The following ARMC8 variants were observed in gnomAD, a reference collection of about 807,000 sequenced individuals.
The protein encoded by ARMC8 is armadillo repeat containing 8, also known as armadillo repeat-containing protein 8.
ARMC8 carries 20 observed loss-of-function variants against 99.3 expected under a neutral mutation model. The ratio of observed to expected loss-of-function variants is 0.20; its 90% CI spans 0.14 to 0.29. The LOEUF is 0.29. Among genes scored for constraint, ARMC8 ranks in the 10% least tolerant of loss-of-function variants. The pLI is 1.00. For missense variants in ARMC8, 569 were observed against 809.5 expected (o/e 0.70, Z 3.60); for synonymous variants, 263 against 278.3 (o/e 0.95, Z 0.55).
chr3:138,206,220 C>A (rs1163034764), intron 1 of ARMC8, among the ~76,000 whole-genome samples: 1 of 152,116 alleles, frequency 6.6e-6, no homozygotes, highest in African/African-American at 2.4e-5. Context: ...CCAAGTAGTT[C>A]CAAATCATTC....
chr3:138,210,746 C>G (rs2044647785), intron 2 of ARMC8, among the ~76,000 whole-genome samples: 1 of 152,076 alleles, frequency 6.6e-6, no homozygotes. Flanking sequence ...TTGTGCTTAG[C>G]CATGGCAAGG....
At chr3:138,212,373 G>A (rs956122091) in intron 2 of ARMC8, among the ~76,000 whole-genome samples, 1 of 148,908 alleles carries the variant, frequency 6.7e-6, no homozygotes, top group Non-Finnish European at 1.5e-5. Context: ...GCAATGGCGC[G>A]ATCTCGGCTC....
chr3:138,265,073 A>AT (rs1453592882), intron 14 of ARMC8, among the ~76,000 whole-genome samples: 1 of 151,032 alleles, frequency 6.6e-6, no homozygotes, highest in Non-Finnish European at 1.5e-5. Context: ...AATTTTTTTT[A>AT]TTTTTTTGAG....
intron 20 of ARMC8, among the ~76,000 whole-genome samples, chr3:138,289,689 A>C (rs1172671286): frequency 6.6e-6 from 1 of 152,134 alleles, no homozygotes; most frequent in Non-Finnish European, 1.5e-5. Context: ...CTCCAGGCAT[A>C]AGTGGTTCTT....
At chr3:138,209,012 AT>A (rs1278421270) in intron 1 of ARMC8, among the ~76,000 whole-genome samples, 1 of 152,056 alleles carries the variant, frequency 6.6e-6, no homozygotes, top group Non-Finnish European at 1.5e-5. Flanking sequence ...TCCTTTATTT[AT>A]TTTTACTTCT....
chr3:138,254,511 C>T lies in ARMC8; in HGVS notation c.1135-9228C>T, dbSNP rs1460484298. ...GCCCAGGATGGCAAACAGGAGGAGA[C>T]AGATGGAAGTCTCAGTTGTTTGCAT... On this transcript the variant is annotated intron_variant, in intron 12 of 21. Coordinates refer to ENST00000469044, the MANE Select transcript of ARMC8 (RefSeq NM_001363941.2). Among the ~76,000 whole-genome samples the T allele has an allele frequency of 3.3e-5, 5 of 152,250 alleles. No individual in the cohort carries two copies. In the East Asian group the frequency reaches 7.7e-4, roughly 24 times the overall value.
Position 138,297,155 on chromosome 3 carries a change from C to G in ARMC8, c.*1263C>G, listed in dbSNP as rs2051559956. The G allele has an allele frequency of 6.6e-6, 1 of 152,168 alleles. No individual in the cohort carries two copies. The highest frequency in any genetic ancestry group is 2.1e-4 in the South Asian group (1 of 4,830). The allele number at this position is 152,168 out of a possible 1,614,324, so 9.4% of individuals were successfully genotyped here. A position where few individuals can be genotyped will look rare whatever the true frequency, so the allele number is the denominator to read the frequency against. ...CGAGATTGAAATTTAATAAAAGATG[C>G]AACTAAAATCTTTCCTGCATGAAGC... is the stretch of plus-strand genomic sequence containing the variant. On this transcript the variant is annotated 3_prime_UTR_variant, in exon 22 of 22. Coordinates refer to ENST00000469044, the MANE Select transcript of ARMC8 (RefSeq NM_001363941.2).
In ARMC8 at chr3:138,191,940, A is replaced by G. The variant is rs1021157246; in HGVS notation, c.45+4341A>G. ...TGGTTGCTTCTAGTTTTTGGCTATT[A>G]TAACGTAGTATGAACAATCATGTAC... On this transcript the variant is annotated intron_variant, in intron 1 of 21. Coordinates refer to ENST00000469044, the MANE Select transcript of ARMC8 (RefSeq NM_001363941.2). Among the ~76,000 whole-genome samples, 13 of 152,348 alleles carry G rather than the reference A, an allele frequency of 8.5e-5. No individual in the cohort carries two copies. The South Asian group carries it at 2.3e-3, about 27-fold the overall frequency.
intron 17 of ARMC8, 56 bp from the exon 18 acceptor site, chr3:138,274,393 A>G (rs770412952): frequency 4.8e-5 from 57 of 1,187,250 alleles, no homozygotes; most frequent in Non-Finnish European, 6.5e-5. Flanking sequence ...GAAGCCTTGT[A>G]TTCGTCCTGT....
chr3:138,253,474 A>G (rs565591906), intron 12 of ARMC8, among the ~76,000 whole-genome samples: 5 of 152,322 alleles, frequency 3.3e-5, no homozygotes, highest in African/African-American at 1.2e-4. Flanking sequence ...ACATCACTTT[A>G]TACATGCTAA....
chr3:138,205,060 CTTTTTTTT>C (rs71146118), intron 1 of ARMC8, among the ~76,000 whole-genome samples: 487 of 93,196 alleles, frequency 5.2e-3, no homozygotes, highest in African/African-American at 7.7e-3. Context: ...CTTTTCTTTT[CTTTTTTTT>C]TTTTTTTTTT....
At position 138,210,667 on chromosome 3, in the gene ARMC8, C is replaced by T. The variant is rs1336095348; in HGVS notation, c.122+774C>T. ...AGATACATTTGGGTAATGATGAGGG[C>T]GCCCATGAGGGAGGCCTCTTTCTTT... On this transcript the variant is annotated intron_variant, in intron 2 of 21. Coordinates refer to ENST00000469044, the MANE Select transcript of ARMC8 (RefSeq NM_001363941.2). 3.3e-5 allele frequency among the ~76,000 whole-genome samples: 5 copies of T among 152,106 alleles called. No homozygotes were observed. The East Asian group carries it at 7.8e-4, about 24-fold the overall frequency.
At chr3:138,275,487 A>C (rs2049195050) in intron 18 of ARMC8, among the ~76,000 whole-genome samples, 1 of 152,116 alleles carries the variant, frequency 6.6e-6, no homozygotes, top group African/African-American at 2.4e-5. Context: ...TGAACCTGGG[A>C]GGTGGAGCTT....
chr3:138,271,458 C>T (rs2048778577), intron 16 of ARMC8, among the ~76,000 whole-genome samples: 1 of 152,186 alleles, frequency 6.6e-6, no homozygotes, highest in African/African-American at 2.4e-5. Context: ...ACATCTATCA[C>T]TTAAATGGCG....
intron 12 of ARMC8, among the ~76,000 whole-genome samples, chr3:138,255,200 T>TG (rs201330595): frequency 0.013 from 1,867 of 146,458 alleles, 44 homozygotes; most frequent in African/African-American, 0.046. Context: ...TGTTTTTTTT[T>TG]TTTTTGTTTT....
intron 3 of ARMC8, among the ~76,000 whole-genome samples, chr3:138,222,628 C>G (rs77326481): frequency 8.0e-4 from 121 of 151,942 alleles, no homozygotes; most frequent in Non-Finnish European, 1.4e-3. Context: ...GTTTTTTTCT[C>G]CTTATTTTCT....
intron 18 of ARMC8, among the ~76,000 whole-genome samples, chr3:138,277,843 T>C (rs186878556): frequency 3.9e-5 from 6 of 152,290 alleles, no homozygotes; most frequent in Non-Finnish European, 7.3e-5. Flanking sequence ...ACTTTATTTG[T>C]ATCATCAAAA....
intron 15 of ARMC8, among the ~76,000 whole-genome samples, chr3:138,269,711 G>T (rs780168756): frequency 2.0e-5 from 3 of 152,118 alleles, no homozygotes; most frequent in Non-Finnish European, 4.4e-5. Context: ...CTAGGTAATG[G>T]GATCATAAGG....
At chr3:138,271,216 T>G (rs1275927287) in intron 16 of ARMC8, among the ~76,000 whole-genome samples, 2 of 152,248 alleles carry the variant, frequency 1.3e-5, no homozygotes, top group South Asian at 4.1e-4. Context: ...GCACAGCTTT[T>G]AGCACTTCTC....
Sources: gnomAD v4.1 joint callset for allele counts (sites outside exome capture counted in the v4.1 genomes callset) on GRCh38, gnomAD v4.1.1 for gene constraint, MANE v1.5 for transcripts, NCBI Gene and HGNC (gene_info 2026-07-23, HGNC 2026-07-21) for gene names.